MME: variants seen among roughly 807,000 people sequenced by gnomAD.
MME encodes neprilysin.
MME carries 98 observed loss-of-function variants against 113.2 expected under a neutral mutation model. The ratio of observed to expected loss-of-function variants is 0.87; its 90% confidence interval spans 0.74 to 1.02. The LOEUF (loss-of-function observed/expected upper bound fraction) is 1.02. MME is among the 50% of genes least tolerant of loss of function. The pLI, the probability that MME is intolerant of heterozygous loss-of-function variation, is 0.00. For synonymous variants in MME, 292 were observed against 300.6 expected, an observed-to-expected ratio of 0.97 and a Z score of 0.30; for missense variants, 836 against 896.0, an observed-to-expected ratio of 0.93 and a Z score of 0.86.
At chr3:155,104,626 C>T (rs1717539378) in intron 3 of MME, among the ~76,000 whole-genome samples, 1 of 152,094 alleles carries the variant, frequency 6.6e-6, no homozygotes, top group Non-Finnish European at 1.5e-5. Context: ...ACAATATGAT[C>T]CAAAATAACA....
chr3:155,053,076 T>A (rs1713813067), intron 1 of MME, among the ~76,000 whole-genome samples: 1 of 152,218 alleles, frequency 6.6e-6, no homozygotes. Context: ...TAGATTTTGC[T>A]GTTGATATTA....
chr3:155,067,905 A>T (rs760834962), intron 1 of MME, among the ~76,000 whole-genome samples: 4 of 152,176 alleles, frequency 2.6e-5, no homozygotes, highest in Admixed American at 6.5e-5. Flanking sequence ...CTGCCACAGG[A>T]TTCGGCTATT....
upstream of MME, among the ~76,000 whole-genome samples, chr3:155,078,921 C>A (rs1034973249): frequency 9.9e-5 from 15 of 152,114 alleles, 1 homozygote; most frequent in African/African-American, 3.1e-4. Flanking sequence ...ACGCTGCTTG[C>A]TTGCATTAAA....
At chr3:155,037,508 A>G (rs1713166187) in intron 1 of MME, among the ~76,000 whole-genome samples, 1 of 152,132 alleles carries the variant, frequency 6.6e-6, no homozygotes, top group African/African-American at 2.4e-5. Flanking sequence ...TGAAGACATC[A>G]TTGTACAGAT....
chr3:155,054,184 C>A (rs943159611), intron 1 of MME, among the ~76,000 whole-genome samples: 7 of 152,112 alleles, frequency 4.6e-5, no homozygotes, highest in African/African-American at 1.7e-4. Context: ...TATTATTTTC[C>A]TATATGATGG....
chr3:155,177,660 G>A (rs1194210190), intron 22 of MME, among the ~76,000 whole-genome samples: 1 of 152,100 alleles, frequency 6.6e-6, no homozygotes, highest in Non-Finnish European at 1.5e-5. Flanking sequence ...ACTTCTCCTT[G>A]TACTCTCACA....
At chr3:155,061,212 G>A (rs1398998165) in intron 1 of MME, among the ~76,000 whole-genome samples, 1 of 152,116 alleles carries the variant, frequency 6.6e-6, no homozygotes, top group Non-Finnish European at 1.5e-5. Context: ...CAGCACTTTG[G>A]GAGGCCGAGG....
At chr3:155,114,876 A>G (rs907864418) in intron 3 of MME, 118 bp from the exon 4 acceptor site, 2 of 1,002,834 alleles carry the variant, frequency 2.0e-6, no homozygotes, top group Non-Finnish European at 3.1e-6. Context: ...TATAAAAAAG[A>G]AAACGGAGCA....
At chr3:155,160,311 T>C in intron 16 of MME, 79 bp from the exon 17 acceptor site, 1 of 960,732 alleles carries the variant, frequency 1.0e-6, no homozygotes, top group Non-Finnish European at 1.7e-6. Context: ...CTAGGAATGG[T>C]AATAATGCTT....
chr3:155,144,405 T>C lies in MME; in HGVS notation c.1364T>C (p.Leu455Ser). 1.2e-6 allele frequency: 2 copies of C among 1,613,336 alleles called. No homozygotes were observed. The highest frequency in any genetic ancestry group is 1.1e-5 in the South Asian group (1 of 91,074). The stretch of plus-strand genomic sequence containing the variant: ...ATCCGAGAAGTTTTTATTCAGACTT[T>C]AGATGACCTCACTTGGATGGATGCC... ...AQIREVFIQT[L>S]DDLTWMDAET... is the part of the protein sequence containing the mutation. Residue 455 changes from leucine to serine, a missense_variant, in exon 14 of 23, where the codon TTA (leucine) becomes TCA (serine). Transcript: ENST00000360490.
At chr3:155,151,334 C>A (rs1721916987) in intron 16 of MME, among the ~76,000 whole-genome samples, 1 of 152,128 alleles carries the variant, frequency 6.6e-6, no homozygotes, top group Non-Finnish European at 1.5e-5. Context: ...TATTGTAGGG[C>A]ACTTCAGAGA....
At chr3:155,117,599 G>GT (rs5853715) in intron 7 of MME, among the ~76,000 whole-genome samples, 30,272 of 130,456 alleles carry the variant, frequency 0.23, 3,552 homozygotes, top group Non-Finnish European at 0.3. Flanking sequence ...TTTTTTTTTT[G>GT]TTTTTTTTTT....
intron 1 of MME, among the ~76,000 whole-genome samples, chr3:155,059,333 A>AAT (rs1209332959): frequency 1.3e-5 from 2 of 152,074 alleles, no homozygotes; most frequent in Non-Finnish European, 2.9e-5. Flanking sequence ...TGATATCAAA[A>AAT]CCTGCCCAGA....
At chr3:155,045,250 A>G (rs1202746559) in intron 1 of MME, among the ~76,000 whole-genome samples, 1 of 151,308 alleles carries the variant, frequency 6.6e-6, no homozygotes, top group Non-Finnish European at 1.5e-5. Context: ...TCCTGGGTTC[A>G]GACGATTCCC....
intron 1 of MME, among the ~76,000 whole-genome samples, chr3:155,071,386 G>T (rs1004306392): frequency 6.6e-6 from 1 of 152,118 alleles, no homozygotes; most frequent in Non-Finnish European, 1.5e-5. Flanking sequence ...TCTATGTTTT[G>T]AAATTTAATT....
At chr3:155,110,252 C>A (rs905494086) in intron 3 of MME, among the ~76,000 whole-genome samples, 9 of 152,172 alleles carry the variant, frequency 5.9e-5, no homozygotes, top group African/African-American at 2.2e-4. Context: ...AGAGTGTGGG[C>A]TCAGAGCCAT....
intron 1 of MME, among the ~76,000 whole-genome samples, chr3:155,048,051 T>C (rs1203396134): frequency 6.6e-6 from 1 of 152,192 alleles, no homozygotes; most frequent in Non-Finnish European, 1.5e-5. Context: ...TATTCCTGAG[T>C]TAAAGCAAGA....
At chr3:155,041,162 A>G (rs1304458160) in intron 1 of MME, among the ~76,000 whole-genome samples, 2 of 152,038 alleles carry the variant, frequency 1.3e-5, no homozygotes, top group Non-Finnish European at 2.9e-5. Context: ...ATCCCTACTG[A>G]ACCCCTCCAT....
intron 4 of MME, among the ~76,000 whole-genome samples, chr3:155,115,427 G>A (rs1028258581): frequency 6.6e-6 from 1 of 151,840 alleles, no homozygotes. Flanking sequence ...TTTTTTGTTT[G>A]TTTGTTTGTT....
Sources: gnomAD v4.1 joint callset for allele counts (sites outside exome capture counted in the v4.1 genomes callset) on GRCh38, gnomAD v4.1.1 for gene constraint, MANE v1.5 for transcripts, NCBI Gene and HGNC (gene_info 2026-07-23, HGNC 2026-07-21) for gene names.